ABCA6: variants seen among roughly 807,000 people sequenced by gnomAD.
ABCA6 encodes the protein ATP binding cassette subfamily A member 6.
In ABCA6, 164 loss-of-function variants were observed where a neutral mutation model predicts 191.2. The ratio of observed to expected loss-of-function variants is 0.86; its 90% CI spans 0.76 to 0.98. The LOEUF (loss-of-function observed/expected upper bound fraction) is 0.98, where lower values mean the gene tolerates loss of function less well. ABCA6 is among the 50% of genes least tolerant of loss of function. ABCA6 has a pLI of 0.00. For missense variants in ABCA6, 1,958 were observed against 1,894.1 expected, an observed-to-expected ratio of 1.03 and a Z score of -0.63; for synonymous variants, 636 against 647.7, an observed-to-expected ratio of 0.98 and a Z score of 0.27.
chr17:69,113,093 G>T, intron 15 of ABCA6, 129 bp downstream of exon 15: 1 of 1,072,142 alleles, frequency 9.3e-7, no homozygotes, highest in Non-Finnish European at 1.2e-6. Context: ...GACTCCTGTC[G>T]TCCTCCTGAC....
At chr17:69,129,408 G>A (rs554785208) in intron 7 of ABCA6, among the ~76,000 whole-genome samples, 2 of 152,130 alleles carry the variant, frequency 1.3e-5, no homozygotes, top group East Asian at 3.9e-4. Context: ...AGACCTTTAT[G>A]CAAAAGGCAA....
intron 11 of ABCA6, among the ~76,000 whole-genome samples, chr17:69,117,252 C>G (rs1297414437): frequency 6.6e-6 from 1 of 151,966 alleles, no homozygotes; most frequent in Non-Finnish European, 1.5e-5. Context: ...AGGTTCATGG[C>G]TCTTCTTTTT....
At position 69,085,052 on chromosome 17, in the gene ABCA6, G is replaced by C. The variant is rs527461596; in HGVS notation, c.4160C>G (p.Ala1387Gly). 8 of 1,610,584 alleles carry C rather than the reference G, an allele frequency of 5.0e-6. No homozygotes were observed. The East Asian group carries it at 1.6e-4, about 31-fold the overall frequency. ...CCTTGCGATGGCGAGCCTCGCGTCC[G>C]CTTTCCTGAGCCCCTTGACGGCAGC... is the stretch of plus-strand genomic sequence containing the variant. ...VYAAVKGLRK[A>G]DARLAIARLV... The change falls in exon 32 of 39, where the codon GCG (alanine) becomes GGG (glycine). Residue 1387 changes from alanine to glycine, a missense_variant. Coordinates refer to ENST00000284425, the MANE Select transcript of ABCA6 (RefSeq NM_080284.3).
chr17:69,083,384 A>T (rs781467942), intron 34 of ABCA6, 53 bp from the exon 35 acceptor site: 24 of 1,500,682 alleles, frequency 1.6e-5, no homozygotes, highest in Non-Finnish European at 2.1e-5. Flanking sequence ...TGCAGAAGAA[A>T]AAAAAGATAA....
Position 69,105,630 on chromosome 17 carries a change from T to C in ABCA6, c.2574-2A>G, listed in dbSNP as rs371736133. ...ATTGCGATTCCAAATACCAATAATC[T>C]AAACAATAAAGAAAAATTAGCATAT... On this transcript the variant is annotated splice_acceptor_variant, in intron 19 of 38. Transcript: ENST00000284425. LOFTEE classifies it high-confidence loss of function. 1.0e-5 allele frequency: 15 copies of C among 1,456,682 alleles called. No homozygotes were observed. The African/African-American group carries it at 2.0e-4, about 19-fold the overall frequency. 90.2% of individuals were successfully genotyped at this position (1,456,682 alleles called of 1,614,324 possible). A position where few individuals can be genotyped will look rare whatever the true frequency, so the allele number is the denominator to read the frequency against.
chr17:69,078,905 ATACTAT>A lies in ABCA6; in HGVS notation c.*62_*67del. ...TTTTAAATGATCTTTAAAATTAAAC[ATACTAT>A]TAATTATTACATAAAACATGAGTTT... On this transcript the variant is annotated 3_prime_UTR_variant, in exon 39 of 39. Transcript: ENST00000284425. 1.2e-6 allele frequency: 1 copy of A among 848,328 alleles called. No homozygotes were observed. The highest frequency in any genetic ancestry group is 2.3e-5 in the South Asian group (1 of 42,708). The allele number at this position is 848,328 out of a possible 1,614,324, so 52.6% of individuals were successfully genotyped here.
chr17:69,133,612 A>G (rs2073901348), intron 6 of ABCA6, 29 bp downstream of exon 6: 1 of 1,445,070 alleles, frequency 6.9e-7, no homozygotes, highest in African/African-American at 1.4e-5. Flanking sequence ...CCTGTTTATT[A>G]ATTTGCACTA....
chr17:69,134,244 A>C (rs540629920), intron 5 of ABCA6, among the ~76,000 whole-genome samples: 32 of 152,300 alleles, frequency 2.1e-4, no homozygotes, highest in Non-Finnish European at 4.4e-4. Flanking sequence ...TCTTGTTGCA[A>C]CTTAATTCCC....
intron 10 of ABCA6, among the ~76,000 whole-genome samples, chr17:69,121,210 C>T (rs2073634429): frequency 6.6e-6 from 1 of 152,006 alleles, no homozygotes; most frequent in South Asian, 2.1e-4. Context: ...AGTAATGATG[C>T]CACTAAGAAA....
intron 21 of ABCA6, 98 bp downstream of exon 21, chr17:69,102,737 G>A: frequency 1.7e-6 from 2 of 1,175,668 alleles, no homozygotes; most frequent in Non-Finnish European, 2.3e-6. Flanking sequence ...GTTTTTCTGA[G>A]TCAAGTTTCT....
intron 36 of ABCA6, among the ~76,000 whole-genome samples, chr17:69,082,088 G>T (rs961983475): frequency 6.6e-6 from 1 of 152,006 alleles, no homozygotes; most frequent in Non-Finnish European, 1.5e-5. Flanking sequence ...TATCATTTTT[G>T]ATCTTCCCAC....
chr17:69,130,526 G>A (rs767443554), intron 6 of ABCA6, among the ~76,000 whole-genome samples: 1 of 152,110 alleles, frequency 6.6e-6, no homozygotes, highest in Non-Finnish European at 1.5e-5. Context: ...ATACACTGCT[G>A]TATAATATTT....
intron 36 of ABCA6, among the ~76,000 whole-genome samples, chr17:69,082,507 C>T (rs1372292413): frequency 6.6e-6 from 1 of 152,108 alleles, no homozygotes; most frequent in Non-Finnish European, 1.5e-5. Flanking sequence ...TAAATATTTA[C>T]ATCTTTTAAA....
At chr17:69,119,277 G>C (rs1219015822) in intron 10 of ABCA6, among the ~76,000 whole-genome samples, 2 of 152,006 alleles carry the variant, frequency 1.3e-5, no homozygotes, top group African/African-American at 4.8e-5. Flanking sequence ...CATCACGCAG[G>C]ATCTTATTTG....
intron 22 of ABCA6, 118 bp downstream of exon 22, chr17:69,100,679 A>G (rs1052064963): frequency 7.9e-6 from 9 of 1,132,978 alleles, no homozygotes; most frequent in African/African-American, 3.2e-5. Flanking sequence ...AAATATTAGG[A>G]TAAAATAATA....
chr17:69,119,771 T>A (rs181836080), intron 10 of ABCA6, among the ~76,000 whole-genome samples: 1 of 152,232 alleles, frequency 6.6e-6, no homozygotes, highest in East Asian at 1.9e-4. Context: ...TATGTACATA[T>A]GCACAAACAC....
chr17:69,097,857 A>G, intron 23 of ABCA6, 63 bp downstream of exon 23: 1 of 1,135,718 alleles, frequency 8.8e-7, no homozygotes, highest in Non-Finnish European at 1.2e-6. Flanking sequence ...TTTTGAACAC[A>G]TAGCATTCAA....
chr17:69,117,533 A>G (rs541586581), intron 11 of ABCA6, among the ~76,000 whole-genome samples: 3 of 152,178 alleles, frequency 2.0e-5, no homozygotes, highest in Non-Finnish European at 4.4e-5. Context: ...TAACCTCACC[A>G]GTACATATAA....
At chr17:69,086,572 G>A in intron 30 of ABCA6, 46 bp downstream of exon 30, 1 of 1,313,518 alleles carries the variant, frequency 7.6e-7, no homozygotes, top group South Asian at 1.2e-5. Context: ...TGTTCGGTAG[G>A]TAGTTCTAAA....
Sources: gnomAD v4.1 joint callset for allele counts (sites outside exome capture counted in the v4.1 genomes callset) on GRCh38, gnomAD v4.1.1 for gene constraint, MANE v1.5 for transcripts, NCBI Gene and HGNC (gene_info 2026-07-23, HGNC 2026-07-21) for gene names.